The following KCTD10 variants were observed in gnomAD, a reference collection of about 807,000 sequenced individuals.
KCTD10 encodes the protein potassium channel tetramerization domain containing 10.
A neutral mutation model predicts 34.6 loss-of-function variants in KCTD10; 13 were observed. The observed-to-expected ratio is 0.38, with a 90% CI of 0.24 to 0.60. The LOEUF is 0.60. KCTD10 is among the 20% of genes least tolerant of loss of function. The pLI is 0.66. For missense variants in KCTD10, 256 were observed against 420.3 expected (o/e 0.61, Z 3.42); for synonymous variants, 156 against 168.8 (o/e 0.92, Z 0.59).
intron 2 of KCTD10, among the ~76,000 whole-genome samples, chr12:109,463,512 G>A (rs1448982836): frequency 6.6e-6 from 1 of 152,166 alleles, no homozygotes; most frequent in African/African-American, 2.4e-5. Flanking sequence ...CCTCGCATGT[G>A]GGGGGTCTCT....
intron 5 of KCTD10, chr12:109,456,966 A>C (rs761232968): frequency 6.4e-6 from 1 of 156,874 alleles, no homozygotes; most frequent in African/African-American, 2.4e-5. Flanking sequence ...GAATGTTCAT[A>C]ACAGCATTAC....
intron 1 of KCTD10, chr12:109,470,208 C>G (rs1873818355): frequency 7.1e-6 from 7 of 986,858 alleles, no homozygotes; most frequent in Non-Finnish European, 8.4e-6. Flanking sequence ...CACTCAATAG[C>G]TAGCTAAGTG....
chr12:109,461,656 T>C (rs1208003954), intron 2 of KCTD10, among the ~76,000 whole-genome samples: 1 of 152,172 alleles, frequency 6.6e-6, no homozygotes, highest in Non-Finnish European at 1.5e-5. Flanking sequence ...GAGTGGTATT[T>C]GTAGAAGACA....
At chr12:109,464,063 A>G (rs1442364030) in intron 2 of KCTD10, among the ~76,000 whole-genome samples, 1 of 151,996 alleles carries the variant, frequency 6.6e-6, no homozygotes, top group African/African-American at 2.4e-5. Context: ...TGAGCATACC[A>G]TGTGCTTCCT....
rs1199682178 is a variant in KCTD10 at position 109,449,265 on chromosome 12, G to C, written c.*2330C>G. On this transcript the variant is annotated 3_prime_UTR_variant, in exon 7 of 7. Transcript: ENST00000228495. ...TGGCTATAATGCAGCCGACAGAATT[G>C]TTCACCATGGAATGTTTTATAAACC... 1 of 152,190 alleles carries C rather than the reference G, an allele frequency of 6.6e-6. No individual in the cohort carries two copies. Among genetic ancestry groups the C allele is most frequent in the Admixed American group, 6.5e-5 (1 of 15,284 alleles). 9.4% of individuals were successfully genotyped at this position (152,190 alleles called of 1,614,324 possible).
chr12:109,469,883 C>A, intron 1 of KCTD10, 155 bp from the exon 2 acceptor site: 1 of 1,407,822 alleles, frequency 7.1e-7, no homozygotes, highest in Non-Finnish European at 9.3e-7. Context: ...GGAGAGCTCA[C>A]AGAAAAATCT....
chr12:109,476,529 C>T (rs1309751115), intron 1 of KCTD10, among the ~76,000 whole-genome samples: 1 of 152,162 alleles, frequency 6.6e-6, no homozygotes. Flanking sequence ...AAACATCCTC[C>T]GCTCCTTAGG....
intron 6 of KCTD10, among the ~76,000 whole-genome samples, chr12:109,452,573 G>A (rs538799233): frequency 2.0e-5 from 3 of 152,326 alleles, no homozygotes; most frequent in East Asian, 1.9e-4. Flanking sequence ...ACTCTACCCC[G>A]TCTTCCTCAC....
At chr12:109,467,553 T>C (rs530883823) in intron 2 of KCTD10, among the ~76,000 whole-genome samples, 1 of 152,100 alleles carries the variant, frequency 6.6e-6, no homozygotes, top group Non-Finnish European at 1.5e-5. Context: ...ACCCAGGAGA[T>C]GGAGGCTGCC....
At chr12:109,463,152 G>A (rs973703188) in intron 2 of KCTD10, among the ~76,000 whole-genome samples, 3 of 152,100 alleles carry the variant, frequency 2.0e-5, no homozygotes, top group Non-Finnish European at 2.9e-5. Flanking sequence ...ACTCAGCTGC[G>A]CAGGGAAGGA....
At chr12:109,455,351 A>T (rs10774708) in intron 6 of KCTD10, 4 of 151,760 alleles carry the variant, frequency 2.6e-5, no homozygotes, top group African/African-American at 9.7e-5. Context: ...GGAAATCACC[A>T]CACTATAATT....
Position 109,449,918 on chromosome 12 carries a change from C to T in KCTD10, c.*1677G>A, listed in dbSNP as rs770744225. On this transcript the variant is annotated 3_prime_UTR_variant, in exon 7 of 7. Coordinates refer to ENST00000228495, the MANE Select transcript of KCTD10 (RefSeq NM_031954.5). ...TCCAAATGGCCTAATATAAAAGTTT[C>T]TCACACGACAGTTTAAAAAGCATCT... is the stretch of plus-strand genomic sequence containing the variant. The T allele has an allele frequency of 3.5e-4, 67 of 190,338 alleles. No individual in the cohort carries two copies. Among genetic ancestry groups the T allele is most frequent in the Non-Finnish European group, 6.5e-4 (61 of 93,996 alleles). The allele number at this position is 190,338 out of a possible 1,614,324, so 11.8% of individuals were successfully genotyped here.
At position 109,449,852 on chromosome 12, in the gene KCTD10, GA is replaced by G. The variant is rs1237764779; in HGVS notation, c.*1742del. Reference sequence around the variant, plus strand: ...CACTTAAACAGTATAAAATATTTACGAAACATTTTGTAAGCCCTCTTTCCTT... The same window carrying G: ...CACTTAAACAGTATAAAATATTTACGAACATTTTGTAAGCCCTCTTTCCTT... On this transcript the variant is annotated 3_prime_UTR_variant, in exon 7 of 7. Transcript: ENST00000228495. 1 of 138,218 alleles carries G rather than the reference GA, an allele frequency of 7.2e-6. No individual in the cohort carries two copies. Among genetic ancestry groups the G allele is most frequent in the Non-Finnish European group, 1.6e-5 (1 of 63,640 alleles). 8.6% of individuals were successfully genotyped at this position (138,218 alleles called of 1,614,324 possible). A position where few individuals can be genotyped will look rare whatever the true frequency, so the allele number is the denominator to read the frequency against.
At chr12:109,456,364 C>G in intron 5 of KCTD10, 51 bp from the exon 6 acceptor site, 17 of 1,558,614 alleles carry the variant, frequency 1.1e-5, no homozygotes, top group Non-Finnish European at 1.5e-5. Context: ...AAACTGCCAT[C>G]ATTTGCTGGG....
At chr12:109,452,793 C>T (rs1381297144) in intron 6 of KCTD10, among the ~76,000 whole-genome samples, 1 of 151,626 alleles carries the variant, frequency 6.6e-6, no homozygotes, top group East Asian at 1.9e-4. Flanking sequence ...GCCAGGGAGG[C>T]CAACAGAGTC....
Position 109,458,052 on chromosome 12 carries a change from G to C in KCTD10, c.414C>G (p.Cys138Trp). The C allele has an allele frequency of 6.2e-7, 1 of 1,614,156 alleles. No homozygotes were observed. The highest frequency in any genetic ancestry group is 8.5e-7 in the Non-Finnish European group (1 of 1,179,972). The change falls in exon 4 of 7, where the codon TGC (cysteine) becomes TGG (tryptophan). Residue 138 changes from cysteine to tryptophan, a missense_variant. Coordinates refer to ENST00000228495, the MANE Select transcript of KCTD10 (RefSeq NM_031954.5). ...TGGATGAGGTGATCACAGGGACCTT[G>C]CAGAAAGGCTCATAAGTATCTTTGT... ...LQNKDTYEPF[C>W]KVPVITSSKE... is the part of the protein sequence containing the mutation.
intron 2 of KCTD10, among the ~76,000 whole-genome samples, chr12:109,462,950 G>A (rs557055546): frequency 6.6e-6 from 1 of 152,246 alleles, no homozygotes; most frequent in East Asian, 1.9e-4. Flanking sequence ...GGCAGGGAAA[G>A]ACCGTATTAT....
chr12:109,469,761 C>T (rs768092375), intron 1 of KCTD10, 33 bp from the exon 2 acceptor site: 3 of 1,610,384 alleles, frequency 1.9e-6, no homozygotes, highest in Non-Finnish European at 2.5e-6. Flanking sequence ...GTCATGACAT[C>T]AGGCCTGGTT....
At chr12:109,471,680 A>G (rs1873893188) in intron 1 of KCTD10, among the ~76,000 whole-genome samples, 1 of 152,316 alleles carries the variant, frequency 6.6e-6, no homozygotes, top group African/African-American at 2.4e-5. Flanking sequence ...TGGAAATAAA[A>G]GTTTCCAAAA....
Sources: allele counts gnomAD v4.1 joint callset (sites outside exome capture counted in the v4.1 genomes callset), GRCh38; gene constraint gnomAD v4.1.1; transcripts MANE v1.5; gene names NCBI Gene and HGNC (gene_info 2026-07-23, HGNC 2026-07-21).